The following BCR variants were observed in gnomAD, a reference collection of about 807,000 sequenced individuals.
BCR encodes BCR activator of RhoGEF and GTPase.
BCR carries 58 observed loss-of-function variants against 138.6 expected under a neutral mutation model. The ratio of observed to expected loss-of-function variants is 0.42; its 90% CI spans 0.34 to 0.52. BCR has a LOEUF of 0.52. Ranked by LOEUF, BCR falls within the 20% of genes least tolerant of loss-of-function variation. The pLI, the probability that BCR is intolerant of heterozygous loss-of-function variation, is 0.06. For synonymous variants in BCR, 786 were observed against 730.1 expected (o/e 1.08, Z -1.23); for missense variants, 1,599 against 1,727.2 (o/e 0.93, Z 1.32).
At position 23,213,845 on chromosome 22, in the gene BCR, AAAAAAG is replaced by A. The variant is rs2072716847; in HGVS notation, c.1279+31609_1279+31614del. Among the ~76,000 whole-genome samples, 9 of 150,104 alleles carry A rather than the reference AAAAAAG, an allele frequency of 6.0e-5. No homozygotes were observed. In the South Asian group the frequency reaches 1.9e-3, roughly 31 times the overall value. On this transcript the variant is annotated intron_variant, in intron 1 of 22. Transcript: ENST00000305877. Reference sequence around the variant, plus strand: ...AAGACCCCTGTCTCTTAAAAAAAAAAAAAAAGAAGAAGAAGGAGGAGGAAGACAGTA... The same window carrying A: ...AAGACCCCTGTCTCTTAAAAAAAAAAAAGAAGAAGGAGGAGGAAGACAGTA...
intron 1 of BCR, among the ~76,000 whole-genome samples, chr22:23,212,277 A>G (rs928713375): frequency 6.6e-6 from 1 of 152,196 alleles, no homozygotes; most frequent in African/African-American, 2.4e-5. Context: ...GGATTGGCAG[A>G]CACACTGGGT....
intron 5 of BCR, among the ~76,000 whole-genome samples, chr22:23,269,234 G>T (rs2073481362): frequency 6.6e-6 from 1 of 152,244 alleles, no homozygotes; most frequent in African/African-American, 2.4e-5. Context: ...CCAGACTGGG[G>T]TTCTTTCTGC....
intron 1 of BCR, among the ~76,000 whole-genome samples, chr22:23,226,748 T>C (rs941610644): frequency 1.3e-5 from 2 of 152,242 alleles, no homozygotes; most frequent in Admixed American, 1.3e-4. Context: ...AAGCTGAAGA[T>C]ATTCATTAGC....
intron 16 of BCR, among the ~76,000 whole-genome samples, chr22:23,303,377 A>C (rs1252199744): frequency 6.6e-6 from 1 of 152,204 alleles, no homozygotes; most frequent in South Asian, 2.1e-4. Flanking sequence ...GAAGGCACCA[A>C]GAATCCTCAT....
intron 14 of BCR, chr22:23,290,624 G>A: frequency 1.8e-6 from 1 of 558,812 alleles, no homozygotes. Flanking sequence ...CTCTCCCCTA[G>A]CCTGTCTCAG....
rs765768358 is a variant in BCR at position 23,182,066 on chromosome 22, C to G, written c.1106C>G (p.Ser369Cys). 8 of 1,613,650 alleles carry G rather than the reference C, an allele frequency of 5.0e-6. No homozygotes were observed. Among genetic ancestry groups the G allele is most frequent in the South Asian group, 1.1e-5 (1 of 91,088 alleles). Residue 369 changes from serine (S) to cysteine (C), a missense_variant, in exon 1 of 23, where the codon TCT becomes TGT. Around this residue, in one of 4 missense-constraint regions of BCR, gnomAD observed 806 missense variants for 635.0 expected, o/e 1.27. Coordinates refer to ENST00000305877, the MANE Select transcript of BCR (RefSeq NM_004327.4). ...TYRMFRDKSRSPSQNSQQSFD... is the reference protein window; with the variant it reads ...TYRMFRDKSRCPSQNSQQSFD... The stretch of plus-strand genomic sequence containing the variant: ...CGCATGTTCCGGGACAAAAGCCGCT[C>G]TCCCTCGCAGAACTCGCAACAGTCC...
intron 1 of BCR, among the ~76,000 whole-genome samples, chr22:23,230,325 A>G (rs561062306): frequency 2.6e-5 from 4 of 152,312 alleles, no homozygotes; most frequent in Admixed American, 6.5e-5. Context: ...CAACTTCTAC[A>G]TTTAGACGTC....
chr22:23,278,432 G>T (rs2073604451), intron 8 of BCR, among the ~76,000 whole-genome samples: 1 of 152,196 alleles, frequency 6.6e-6, no homozygotes, highest in South Asian at 2.1e-4. Context: ...GATGATTAAA[G>T]AGTTGGAGAA....
chr22:23,212,173 C>T (rs955089762), intron 1 of BCR, among the ~76,000 whole-genome samples: 2 of 152,126 alleles, frequency 1.3e-5, no homozygotes, highest in African/African-American at 4.8e-5. Context: ...GTGGCCAGAC[C>T]CTGGGAAGCG....
chr22:23,294,547 T>C (rs544915152), intron 15 of BCR, among the ~76,000 whole-genome samples: 47 of 152,308 alleles, frequency 3.1e-4, no homozygotes, highest in African/African-American at 1.1e-3. Flanking sequence ...ATCACAGGCA[T>C]GCACCACCAC....
intron 8 of BCR, among the ~76,000 whole-genome samples, chr22:23,275,282 A>T (rs1181592127): frequency 1.3e-5 from 2 of 152,242 alleles, no homozygotes; most frequent in Non-Finnish European, 2.9e-5. Flanking sequence ...GGGCAGACTC[A>T]GAGTCCCATG....
intron 8 of BCR, among the ~76,000 whole-genome samples, chr22:23,279,613 C>T (rs1475688896): frequency 6.6e-6 from 1 of 152,242 alleles, no homozygotes; most frequent in Non-Finnish European, 1.5e-5. Context: ...GGAAGCTCCA[C>T]CTTGGTCTTC....
chr22:23,188,378 T>C (rs1007738894), intron 1 of BCR, among the ~76,000 whole-genome samples: 1 of 152,246 alleles, frequency 6.6e-6, no homozygotes, highest in African/African-American at 2.4e-5. Flanking sequence ...GACTCCCTTT[T>C]GCTTAGTTTG....
At chr22:23,293,407 C>T (rs1356269503) in intron 15 of BCR, among the ~76,000 whole-genome samples, 1 of 152,134 alleles carries the variant, frequency 6.6e-6, no homozygotes, top group African/African-American at 2.4e-5. Flanking sequence ...GGGCTGGAAC[C>T]CAGGTCTCCT....
chr22:23,265,073 A>AC (rs897116808), intron 4 of BCR: 9 of 152,206 alleles, frequency 5.9e-5, no homozygotes, highest in Non-Finnish European at 1.3e-4. Flanking sequence ...GGGGGAAAAA[A>AC]ACACACATCC....
At chr22:23,283,372 C>T (rs550734106) in intron 8 of BCR, 3 of 152,522 alleles carry the variant, frequency 2.0e-5, no homozygotes, top group South Asian at 2.1e-4. Context: ...GCCTTCAGAA[C>T]CAGGCCCAAC....
At position 23,206,324 on chromosome 22, in the gene BCR, C is replaced by T. The variant is rs950004269; in HGVS notation, c.1279+24085C>T. ...GGGCGGTGGCTCACGCCTGTAATCC[C>T]AGCACTTTGGGAGGCCAAGGTGGGC... On this transcript the variant is annotated intron_variant, in intron 1 of 22. Coordinates refer to ENST00000305877, the MANE Select transcript of BCR (RefSeq NM_004327.4). Among the ~76,000 whole-genome samples, 5 of 152,276 alleles carry T rather than the reference C, an allele frequency of 3.3e-5. No individual in the cohort carries two copies. The East Asian group carries it at 9.7e-4, about 29-fold the overall frequency.
At chr22:23,284,321 C>G (rs561585468) in intron 9 of BCR, among the ~76,000 whole-genome samples, 2 of 152,044 alleles carry the variant, frequency 1.3e-5, no homozygotes, top group Non-Finnish European at 2.9e-5. Flanking sequence ...GGGGTAAACC[C>G]GACCGTGGCT....
At chr22:23,307,056 A>G (rs564417462) in intron 16 of BCR, among the ~76,000 whole-genome samples, 40 of 152,266 alleles carry the variant, frequency 2.6e-4, no homozygotes, top group Admixed American at 1.4e-3. Context: ...AAGGAAAGGT[A>G]AGAATGTCTC....
Sources: allele counts gnomAD v4.1 joint callset (sites outside exome capture counted in the v4.1 genomes callset), GRCh38; gene constraint gnomAD v4.1.1; regional missense constraint gnomAD v4.1.1; transcripts MANE v1.5; gene names NCBI Gene and HGNC (gene_info 2026-07-23, HGNC 2026-07-21).